The following GRIK1 variants were observed in gnomAD, a reference collection of about 807,000 sequenced individuals.
The protein encoded by GRIK1 is glutamate receptor ionotropic, kainate 1.
In GRIK1, 69 loss-of-function variants were observed where a neutral mutation model predicts 105.7. The ratio of observed to expected loss-of-function variants is 0.65; its 90% CI spans 0.54 to 0.80. GRIK1 has a LOEUF of 0.80. GRIK1 is among the 30% of genes least tolerant of loss of function. The pLI is 0.00. For missense variants in GRIK1, 1,109 were observed against 1,167.3 expected (o/e 0.95, Z 0.73); for synonymous variants, 438 against 431.3 (o/e 1.02, Z -0.19).
chr21:29,683,903 G>C (rs73900055), intron 3 of GRIK1, among the ~76,000 whole-genome samples: 2,761 of 152,296 alleles, frequency 0.018, 79 homozygotes, highest in African/African-American at 0.064. Flanking sequence ...TGCACTGGCT[G>C]TTCCCTCTGC....
intron 1 of GRIK1, among the ~76,000 whole-genome samples, chr21:29,796,338 G>A (rs570849455): frequency 6.6e-6 from 1 of 152,212 alleles, no homozygotes; most frequent in African/African-American, 2.4e-5. Context: ...GGAGACCAAA[G>A]TAAAATTTGG....
intron 6 of GRIK1, among the ~76,000 whole-genome samples, chr21:29,643,916 ACACACACACACATGCACAGC>A (rs1414585936): frequency 1.3e-5 from 2 of 151,976 alleles, no homozygotes; most frequent in African/African-American, 4.8e-5. Context: ...ACATGCACAC[ACACACACACACATGCACAGC>A]CACACACACA....
At chr21:29,824,094 G>A (rs1032719372) in intron 1 of GRIK1, among the ~76,000 whole-genome samples, 9 of 151,852 alleles carry the variant, frequency 5.9e-5, no homozygotes, top group Admixed American at 5.3e-4. Context: ...TTGGGTGATG[G>A]TGATGGTGAG....
chr21:29,732,841 G>A (rs1180287358), intron 1 of GRIK1, among the ~76,000 whole-genome samples: 1 of 152,138 alleles, frequency 6.6e-6, no homozygotes, highest in Admixed American at 6.6e-5. Context: ...AGTTCTGTGT[G>A]ACTGTAAGCC....
chr21:29,927,118 C>T (rs1206288975), intron 1 of GRIK1, among the ~76,000 whole-genome samples: 1 of 152,122 alleles, frequency 6.6e-6, no homozygotes, highest in Non-Finnish European at 1.5e-5. Flanking sequence ...TCCACACCAC[C>T]AGCACTCACA....
At chr21:29,827,999 CTCTGTCTCTCTCTG>C (rs1473414606) in intron 1 of GRIK1, among the ~76,000 whole-genome samples, 24 of 97,016 alleles carry the variant, frequency 2.5e-4, no homozygotes, top group Admixed American at 5.0e-4. Flanking sequence ...CTCTCTCTCT[CTCTGTCTCTCTCTG>C]TGTGTGTGTG....
chr21:29,659,278 G>T (rs978888202), intron 4 of GRIK1, among the ~76,000 whole-genome samples: 2 of 151,998 alleles, frequency 1.3e-5, no homozygotes, highest in African/African-American at 4.8e-5. Context: ...CCATATAAAC[G>T]AGTGGAATTC....
In GRIK1 at chr21:29,844,533, C is replaced by T. The variant is rs140438985; in HGVS notation, c.118+94850G>A. 3.0e-3 allele frequency among the ~76,000 whole-genome samples: 454 copies of T among 152,296 alleles called. 1 individual carries two copies. Among genetic ancestry groups the T allele is most frequent in the African/African-American group, 0.01 (429 of 41,572 alleles). On this transcript the variant is annotated intron_variant, in intron 1 of 17. Coordinates refer to ENST00000327783, the MANE Select transcript of GRIK1 (RefSeq NM_001330994.2). ...ATTGTTGAAATGTAAGTAAATGTTT[C>T]TTCAAGGCAAGCTAATCAACTACTG...
At chr21:29,783,228 T>A (rs984555164) in intron 1 of GRIK1, among the ~76,000 whole-genome samples, 17 of 152,216 alleles carry the variant, frequency 1.1e-4, no homozygotes, top group African/African-American at 4.1e-4. Context: ...TTGCAAATAT[T>A]TTTCTATTAC....
At position 29,555,299 on chromosome 21, in the gene GRIK1, G is replaced by A; in HGVS notation, c.2360C>T (p.Ser787Phe). The A allele has an allele frequency of 2.5e-6, 4 of 1,612,248 alleles. No individual in the cohort carries two copies. The highest frequency in any genetic ancestry group is 3.4e-6 in the Non-Finnish European group (4 of 1,179,072). Reference sequence around the variant, plus strand: ...AATAGTAATTTTATCCCGGTAAGGAGAACCTGGAAGTAAAACCATCTGGAT... The same window carrying A: ...AATAGTAATTTTATCCCGGTAAGGAAAACCTGGAAGTAAAACCATCTGGAT... Reference protein sequence around the residue: ...KGYGVGTPIGSPYRDKITIAI... With the variant: ...KGYGVGTPIGFPYRDKITIAI... The change falls in exon 16 of 18, where the codon TCT becomes TTT. Residue 787 changes from serine to phenylalanine, a missense_variant. Around this residue, in one of 5 missense-constraint regions of GRIK1, gnomAD observed 264 missense variants for 306.9 expected, o/e 0.86. Coordinates refer to ENST00000327783, the MANE Select transcript of GRIK1 (RefSeq NM_001330994.2).
intron 16 of GRIK1, among the ~76,000 whole-genome samples, chr21:29,541,354 C>T (rs1380048936): frequency 6.6e-6 from 1 of 152,186 alleles, no homozygotes; most frequent in East Asian, 1.9e-4. Context: ...AGCCAGGTTA[C>T]ACCGGGCAAG....
At chr21:29,649,880 G>A (rs1244794584) in intron 6 of GRIK1, among the ~76,000 whole-genome samples, 7 of 152,154 alleles carry the variant, frequency 4.6e-5, no homozygotes, top group Admixed American at 4.6e-4. Context: ...GTGGGCAGAG[G>A]ATTTCGAACC....
intron 1 of GRIK1, among the ~76,000 whole-genome samples, chr21:29,726,455 T>C (rs2064464927): frequency 6.6e-6 from 1 of 152,240 alleles, no homozygotes; most frequent in African/African-American, 2.4e-5. Context: ...TAAAATGTCA[T>C]TTGTTATTAC....
chr21:29,818,805 G>T lies in GRIK1; in HGVS notation c.118+120578C>A, dbSNP rs187427807. 1.5e-3 allele frequency among the ~76,000 whole-genome samples: 229 copies of T among 152,128 alleles called. 2 individuals are homozygous for T. The highest frequency in any genetic ancestry group is 5.4e-3 in the African/African-American group (223 of 41,532). ...GGTTTGTTTAGGAGTCTCTTCTGTG[G>T]TGTAGGTCACAGTTAGGATGAATCT... On this transcript the variant is annotated intron_variant, in intron 1 of 17. Coordinates refer to ENST00000327783, the MANE Select transcript of GRIK1 (RefSeq NM_001330994.2).
intron 1 of GRIK1, among the ~76,000 whole-genome samples, chr21:29,757,616 G>A (rs2065383834): frequency 6.6e-6 from 1 of 152,208 alleles, no homozygotes; most frequent in African/African-American, 2.4e-5. Flanking sequence ...ATTTTTTTAA[G>A]TTCTTTCTCA....
chr21:29,675,215 C>T (rs534931808), intron 3 of GRIK1, among the ~76,000 whole-genome samples: 17 of 152,244 alleles, frequency 1.1e-4, no homozygotes, highest in Non-Finnish European at 1.9e-4. Flanking sequence ...AATCTTTTGA[C>T]GTCACCATCC....
chr21:29,631,600 T>C (rs1352645515), intron 7 of GRIK1, among the ~76,000 whole-genome samples: 1 of 152,196 alleles, frequency 6.6e-6, no homozygotes, highest in South Asian at 2.1e-4. Flanking sequence ...TTCATTATGG[T>C]AGCTGGAGGT....
chr21:29,550,899 CCATAATATTACCTT>C (rs541538676), intron 16 of GRIK1, among the ~76,000 whole-genome samples: 5 of 152,050 alleles, frequency 3.3e-5, no homozygotes, highest in Non-Finnish European at 7.4e-5. Context: ...TGTATAAAGT[CCATAATATTACCTT>C]CATTTTACAA....
intron 7 of GRIK1, among the ~76,000 whole-genome samples, chr21:29,640,162 A>T (rs1343694666): frequency 4.6e-5 from 2 of 43,488 alleles, no homozygotes; most frequent in Admixed American, 2.0e-4. Flanking sequence ...AGAATAACTT[A>T]AAAAAAAAAA....
Sources: allele counts gnomAD v4.1 joint callset (sites outside exome capture counted in the v4.1 genomes callset), GRCh38; gene constraint gnomAD v4.1.1; regional missense constraint gnomAD v4.1.1; transcripts MANE v1.5; gene names NCBI Gene and HGNC (gene_info 2026-07-23, HGNC 2026-07-21).